The following MYT1L variants were observed in gnomAD, a reference collection of about 807,000 sequenced individuals.
MYT1L encodes the protein myelin transcription factor 1 like.
In MYT1L, 12 loss-of-function variants were observed where a neutral mutation model predicts 126.7. That is an observed-to-expected ratio of 0.09 (90% CI 0.06 to 0.15). MYT1L has a LOEUF of 0.15. Ranked by LOEUF, MYT1L falls within the 10% of genes least tolerant of loss-of-function variation. The pLI is 1.00. For missense variants in MYT1L, 979 were observed against 1,585.2 expected, an observed-to-expected ratio of 0.62 and a Z score of 6.49; for synonymous variants, 541 against 604.2, an observed-to-expected ratio of 0.90 and a Z score of 1.53.
intron 5 of MYT1L, among the ~76,000 whole-genome samples, chr2:1,990,615 C>T (rs1460483462): frequency 6.6e-6 from 1 of 152,184 alleles, no homozygotes; most frequent in Non-Finnish European, 1.5e-5. Flanking sequence ...ATCTAAGCTC[C>T]ATGGCCAGGG....
At chr2:1,809,398 G>T (rs965857581) in intron 21 of MYT1L, among the ~76,000 whole-genome samples, 1 of 139,322 alleles carries the variant, frequency 7.2e-6, no homozygotes, top group Non-Finnish European at 1.6e-5. Context: ...ATGGGTGCTC[G>T]GCTGGGGCTG....
At chr2:2,209,260 A>G (rs1050139900) in intron 2 of MYT1L, among the ~76,000 whole-genome samples, 6 of 152,140 alleles carry the variant, frequency 3.9e-5, no homozygotes, top group African/African-American at 9.7e-5. Context: ...AAATCCAATC[A>G]TACTCTTTTA....
At chr2:2,184,299 T>C (rs1480034600) in intron 2 of MYT1L, among the ~76,000 whole-genome samples, 1 of 152,192 alleles carries the variant, frequency 6.6e-6, no homozygotes, top group African/African-American at 2.4e-5. Flanking sequence ...TGCATGTGTG[T>C]GTTCAAGAGA....
chr2:2,287,863 G>T (rs769900733), intron 1 of MYT1L, among the ~76,000 whole-genome samples: 2 of 152,178 alleles, frequency 1.3e-5, no homozygotes, highest in African/African-American at 4.8e-5. Context: ...TATTAAGCCC[G>T]ACCAACTCTA....
intron 4 of MYT1L, among the ~76,000 whole-genome samples, chr2:2,031,909 C>T (rs369991132): frequency 2.9e-5 from 4 of 139,800 alleles, no homozygotes; most frequent in Non-Finnish European, 4.5e-5. Context: ...CACACACCCT[C>T]GCCAGTGCCT....
chr2:2,321,122 G>T (rs569787081), intron 1 of MYT1L, among the ~76,000 whole-genome samples: 9 of 152,350 alleles, frequency 5.9e-5, no homozygotes, highest in African/African-American at 2.2e-4. Context: ...AGATGTTGAT[G>T]AGTTCTTCTG....
chr2:1,912,150 C>T lies in MYT1L; in HGVS notation c.1619-40G>A. ...GCAAAGAGAACAGCCAGTGTTAAAA[C>T]AGAGGCACGGTTAGGGCACATGAAA... On this transcript the variant is annotated intron_variant, in intron 11 of 24. Coordinates refer to ENST00000647738, the MANE Select transcript of MYT1L (RefSeq NM_001303052.2). This position sits in a 1 kb window ranked among gnomAD's most constrained non-coding sequence, Gnocchi z 4.3. The T allele has an allele frequency of 6.9e-7, 1 of 1,442,026 alleles. No individual in the cohort carries two copies. The highest frequency in any genetic ancestry group is 9.5e-7 in the Non-Finnish European group (1 of 1,047,444). The allele number at this position is 1,442,026 out of a possible 1,614,324, so 89.3% of individuals were successfully genotyped here.
chr2:2,242,735 T>C (rs892310781), intron 2 of MYT1L, among the ~76,000 whole-genome samples: 4 of 152,154 alleles, frequency 2.6e-5, no homozygotes, highest in African/African-American at 9.7e-5. Flanking sequence ...GGGCCACAGA[T>C]AGTTTTTGGT....
At chr2:2,267,596 G>A (rs865903235) in intron 2 of MYT1L, among the ~76,000 whole-genome samples, 85 of 152,280 alleles carry the variant, frequency 5.6e-4, no homozygotes, top group African/African-American at 2.0e-3. Flanking sequence ...TAGGAGAAGG[G>A]GACAGGGAAG....
At chr2:2,089,379 G>C (rs974379866) in intron 3 of MYT1L, among the ~76,000 whole-genome samples, 3 of 152,174 alleles carry the variant, frequency 2.0e-5, no homozygotes, top group African/African-American at 4.8e-5. Context: ...TGAATGCCTG[G>C]GGTAGGGAAT....
rs1353011358 is a variant in MYT1L at position 1,979,809 on chromosome 2, T to C, written c.1-32A>G. 6.2e-7 allele frequency: 1 copy of C among 1,612,638 alleles called. No individual in the cohort carries two copies. Among genetic ancestry groups the C allele is most frequent in the South Asian group, 1.1e-5 (1 of 91,002 alleles). On this transcript the variant is annotated intron_variant, in intron 5 of 24. Transcript: ENST00000647738. The surrounding 1 kb of genome is among the most constrained non-coding windows in gnomAD (Gnocchi z 4.0). ...ATAGATTAGCAGCCATCAATGTGCTTATCCTGCCTGTGCAGGCCAGCCCTG... is the reference window on the plus strand; with the variant it reads ...ATAGATTAGCAGCCATCAATGTGCTCATCCTGCCTGTGCAGGCCAGCCCTG...
chr2:1,899,266 G>T (rs1194304682), intron 14 of MYT1L, among the ~76,000 whole-genome samples: 1 of 152,262 alleles, frequency 6.6e-6, no homozygotes, highest in Non-Finnish European at 1.5e-5. Context: ...ACCGCAGCCT[G>T]CCCGCCAAGC....
chr2:1,819,143 C>T (rs1415178656), intron 21 of MYT1L, among the ~76,000 whole-genome samples: 1 of 152,184 alleles, frequency 6.6e-6, no homozygotes, highest in East Asian at 1.9e-4. Context: ...TGCCTCCTGC[C>T]CAAGGGATGG....
intron 2 of MYT1L, among the ~76,000 whole-genome samples, chr2:2,208,539 G>A (rs1342456324): frequency 3.9e-5 from 6 of 152,066 alleles, no homozygotes; most frequent in Non-Finnish European, 7.4e-5. Context: ...ATGTATGTAG[G>A]CTTGTATTCT....
At chr2:1,894,868 C>A (rs2049382822) in intron 14 of MYT1L, among the ~76,000 whole-genome samples, 1 of 152,202 alleles carries the variant, frequency 6.6e-6, no homozygotes, top group African/African-American at 2.4e-5. Flanking sequence ...GTGCTCACAG[C>A]ATCCTCCAAC....
intron 2 of MYT1L, among the ~76,000 whole-genome samples, chr2:2,277,334 T>C (rs2095377656): frequency 6.6e-6 from 1 of 152,240 alleles, no homozygotes; most frequent in South Asian, 2.1e-4. Context: ...TCATACCCGA[T>C]GGTGATTTGC....
At chr2:1,808,040 A>G (rs539460288) in intron 22 of MYT1L, among the ~76,000 whole-genome samples, 121 of 152,102 alleles carry the variant, frequency 8.0e-4, no homozygotes, top group African/African-American at 2.9e-3. Flanking sequence ...CCGCCATGTG[A>G]AGAAGGACAC....
rs367729164 is a variant in MYT1L, at chr2:2,278,063, A to AT, written c.-421+6340dup. Among the ~76,000 whole-genome samples the AT allele has an allele frequency of 3.4e-3, 518 of 152,350 alleles. 3 individuals carry two copies. The highest frequency in any genetic ancestry group is 0.012 in the African/African-American group (479 of 41,582). ...TACAAAATTAGACTTCTTTTCCTAT[A>AT]TAACAACTGTTAATCTAAGAAATTT... On this transcript the variant is annotated intron_variant, in intron 2 of 24. Transcript: ENST00000647738.
At chr2:1,794,305 C>T (rs778736230) in intron 23 of MYT1L, among the ~76,000 whole-genome samples, 8 of 152,246 alleles carry the variant, frequency 5.3e-5, no homozygotes, top group East Asian at 3.9e-4. Context: ...CAGCCCAGCT[C>T]GCCTCTGGTT....
Sources: allele counts gnomAD v4.1 joint callset (sites outside exome capture counted in the v4.1 genomes callset), GRCh38; gene constraint gnomAD v4.1.1; non-coding constraint Gnocchi (gnomAD v3.1); transcripts MANE v1.5; gene names NCBI Gene and HGNC (gene_info 2026-07-23, HGNC 2026-07-21).